Variants in SRGAP2B observed in about 807,000 individuals in gnomAD.
SRGAP2B encodes the protein SLIT-ROBO Rho GTPase-activating protein 2B.
Under a neutral mutation model 22.2 loss-of-function variants are expected in SRGAP2B, and 9 were observed. That is an observed-to-expected ratio of 0.41 (90% confidence interval 0.24 to 0.71). The LOEUF (loss-of-function observed/expected upper bound fraction) is 0.71. Among genes scored for constraint, SRGAP2B ranks in the 30% least tolerant of loss-of-function variants. The pLI, the probability that SRGAP2B is intolerant of heterozygous loss-of-function variation, is 0.35. For missense variants in SRGAP2B, 114 were observed against 235.8 expected (o/e 0.48, Z 3.38); for synonymous variants, 36 against 87.4 (o/e 0.41, Z 3.28).
chr1:145,067,287 TAAAAAAA>T (rs782756643), intron 2 of SRGAP2B, among the ~76,000 whole-genome samples: 1 of 116,806 alleles, frequency 8.6e-6, no homozygotes, highest in African/African-American at 3.4e-5. Context: ...AGACTCTGTC[TAAAAAAA>T]AAAAAAAAAA....
chr1:144,897,733 T>G (rs1228926872), intron 7 of SRGAP2B, among the ~76,000 whole-genome samples: 1 of 149,224 alleles, frequency 6.7e-6, no homozygotes, highest in Non-Finnish European at 1.5e-5. Flanking sequence ...TGAGGCTTAC[T>G]GTGGTTAAAT....
intron 4 of SRGAP2B, among the ~76,000 whole-genome samples, chr1:144,940,003 G>A (rs1166945023): frequency 3.6e-5 from 5 of 140,096 alleles, no homozygotes; most frequent in East Asian, 4.1e-4. Flanking sequence ...ATAATATACC[G>A]CTAAAAAAAG....
intron 2 of SRGAP2B, among the ~76,000 whole-genome samples, chr1:145,006,764 T>C (rs1553621159): frequency 6.6e-6 from 1 of 150,876 alleles, no homozygotes; most frequent in African/African-American, 2.5e-5. Flanking sequence ...TTACTAGTAA[T>C]CACATATCCC....
intron 2 of SRGAP2B, among the ~76,000 whole-genome samples, chr1:145,025,965 C>T (rs548537): frequency 4.7e-4 from 67 of 142,656 alleles, no homozygotes; most frequent in African/African-American, 1.2e-3. Context: ...GGATGGGAGG[C>T]GGAAAGGGAA....
intron 4 of SRGAP2B, among the ~76,000 whole-genome samples, chr1:144,944,172 TAG>T (rs1553607971): frequency 6.6e-6 from 1 of 150,460 alleles, no homozygotes; most frequent in Non-Finnish European, 1.5e-5. Flanking sequence ...TAAGTACATC[TAG>T]AGTTTCTATG....
At chr1:144,914,207 T>C in intron 5 of SRGAP2B, among the ~76,000 whole-genome samples, 1 of 151,782 alleles carries the variant, frequency 6.6e-6, no homozygotes, top group South Asian at 2.1e-4. Flanking sequence ...AACTGGTCCC[T>C]CTTACTGGGG....
At chr1:145,044,745 G>T (rs1649582963) in intron 2 of SRGAP2B, among the ~76,000 whole-genome samples, 1 of 123,692 alleles carries the variant, frequency 8.1e-6, no homozygotes, top group African/African-American at 3.1e-5. Flanking sequence ...GCAGCTTAGG[G>T]TTTAGGCAAG....
intron 4 of SRGAP2B, among the ~76,000 whole-genome samples, chr1:144,915,806 A>T (rs1663837740): frequency 6.6e-6 from 1 of 150,896 alleles, no homozygotes; most frequent in Admixed American, 6.6e-5. Context: ...TAAGTGTTCT[A>T]TGCCAAACCT....
intron 2 of SRGAP2B, among the ~76,000 whole-genome samples, chr1:144,995,892 G>A (rs1670639278): frequency 2.0e-5 from 3 of 150,976 alleles, no homozygotes; most frequent in Admixed American, 1.3e-4. Context: ...CAACATCACA[G>A]AATGAAAATC....
chr1:144,990,620 A>G (rs1380034179), intron 3 of SRGAP2B, among the ~76,000 whole-genome samples: 2 of 142,758 alleles, frequency 1.4e-5, no homozygotes, highest in Non-Finnish European at 3.0e-5. Context: ...GCTGGAGCCC[A>G]CTCCCTCAGC....
chr1:145,015,191 G>C lies in SRGAP2B; in HGVS notation c.68-19991C>G, dbSNP rs1294554591. ...TCCTGGGTTCAAGCAATTCTAGTGA[G>C]CCTCAGCCTCCCGAGTAGCTGGAAT... On this transcript the variant is annotated intron_variant, in intron 2 of 9. Coordinates refer to ENST00000612199, the Ensembl canonical transcript of SRGAP2B. Among the ~76,000 whole-genome samples the C allele has an allele frequency of 5.9e-5, 6 of 101,760 alleles. No homozygotes were observed. The South Asian group carries it at 1.8e-3, about 31-fold the overall frequency. The allele number at this position is 101,760 out of a possible 152,430, so 66.8% of individuals were successfully genotyped here.
At chr1:144,932,292 G>A (rs1409912229) in intron 4 of SRGAP2B, among the ~76,000 whole-genome samples, 2 of 150,666 alleles carry the variant, frequency 1.3e-5, no homozygotes, top group Non-Finnish European at 2.9e-5. Context: ...TATTTAACAA[G>A]AACATTCATT....
chr1:144,923,368 T>G (rs1553347667), intron 4 of SRGAP2B, among the ~76,000 whole-genome samples: 2 of 150,512 alleles, frequency 1.3e-5, no homozygotes, highest in African/African-American at 2.5e-5. Flanking sequence ...TGATCTCTCA[T>G]GCCAAAGCAT....
intron 3 of SRGAP2B, chr1:144,965,071 T>G: frequency 8.2e-7 from 1 of 1,213,772 alleles, no homozygotes; most frequent in Non-Finnish European, 1.2e-6. Context: ...ATAACAGCTG[T>G]TGACAAGACT....
chr1:144,955,615 T>A lies in SRGAP2B; in HGVS notation c.261-14A>T. 1.3e-6 allele frequency: 1 copy of A among 747,290 alleles called. No homozygotes were observed. The highest frequency in any genetic ancestry group is 2.3e-6 in the Non-Finnish European group (1 of 434,408). The allele number at this position is 747,290 out of a possible 1,614,324, so 46.3% of individuals were successfully genotyped here. ...TTCTGATCCTTCCTGTGAAGAAACA[T>A]CAAGGAAAAGAAGTCATTGTTGATA... On this transcript the variant is annotated splice_polypyrimidine_tract_variant and intron_variant, in intron 3 of 9. Coordinates refer to ENST00000612199, the Ensembl canonical transcript of SRGAP2B.
chr1:144,989,047 A>T (rs1669977931), intron 3 of SRGAP2B, among the ~76,000 whole-genome samples: 1 of 98,700 alleles, frequency 1.0e-5, no homozygotes. Flanking sequence ...TGTGTAGATT[A>T]CTCCAAAACC....
At position 144,939,939 on chromosome 1, in the gene SRGAP2B, G is replaced by C. The variant is rs587757467; in HGVS notation, c.423+15500C>G. On this transcript the variant is annotated intron_variant, in intron 4 of 9. Coordinates refer to ENST00000612199, the Ensembl canonical transcript of SRGAP2B. ...TGGCTTTGGAGAAGAGATGATTAAA[G>C]TTGGAGACTGGATCGCCCAGTTTGT... is the stretch of plus-strand genomic sequence containing the variant. Among the ~76,000 whole-genome samples, 90 of 149,788 alleles carry C rather than the reference G, an allele frequency of 6.0e-4. No homozygotes were observed. The South Asian group carries it at 0.011, about 19-fold the overall frequency.
At chr1:144,943,973 C>T (rs1421691311) in intron 4 of SRGAP2B, among the ~76,000 whole-genome samples, 8 of 150,392 alleles carry the variant, frequency 5.3e-5, no homozygotes, top group Non-Finnish European at 8.8e-5. Context: ...GCTTGATAAA[C>T]ATCTTGGGTT....
intron 5 of SRGAP2B, among the ~76,000 whole-genome samples, chr1:144,912,143 A>G (rs1663472820): frequency 1.4e-5 from 2 of 144,930 alleles, no homozygotes; most frequent in Non-Finnish European, 3.0e-5. Context: ...TAGTAGAGAC[A>G]GGGTTTCACC....
Sources: allele counts gnomAD v4.1 joint callset (sites outside exome capture counted in the v4.1 genomes callset), GRCh38; gene constraint gnomAD v4.1.1; transcripts MANE v1.5; gene names NCBI Gene and HGNC (gene_info 2026-07-23, HGNC 2026-07-21).